CNBD1: variants seen among roughly 807,000 people sequenced by gnomAD.
CNBD1 encodes the protein cyclic nucleotide-binding domain-containing protein 1.
CNBD1 carries 71 observed loss-of-function variants against 54.4 expected under a neutral mutation model. The ratio of observed to expected loss-of-function variants is 1.30; its 90% CI spans 1.08 to 1.59. The LOEUF is 1.59. CNBD1 is among the 40% of genes most tolerant of loss of function. The pLI is 0.00. For missense variants in CNBD1, 659 were observed against 518.0 expected, an observed-to-expected ratio of 1.27 and a Z score of -2.64; for synonymous variants, 182 against 170.7, an observed-to-expected ratio of 1.07 and a Z score of -0.51.
intron 8 of CNBD1, among the ~76,000 whole-genome samples, chr8:87,340,146 C>T (rs1305060930): frequency 6.6e-6 from 1 of 152,084 alleles, no homozygotes; most frequent in Non-Finnish European, 1.5e-5. Context: ...GATAGTTTTG[C>T]TGCATCTAAT....
intron 4 of CNBD1, among the ~76,000 whole-genome samples, chr8:87,204,870 T>C (rs1446341429): frequency 6.6e-6 from 1 of 152,182 alleles, no homozygotes; most frequent in East Asian, 1.9e-4. Flanking sequence ...TTATTGCATC[T>C]GAAGAACAAA....
At chr8:87,283,049 T>TA (rs1808626334) in intron 6 of CNBD1, among the ~76,000 whole-genome samples, 1 of 152,104 alleles carries the variant, frequency 6.6e-6, no homozygotes, top group Non-Finnish European at 1.5e-5. Context: ...GAATTTCTGT[T>TA]AGATATATGC....
intron 4 of CNBD1, among the ~76,000 whole-genome samples, chr8:87,201,801 G>A (rs1400247930): frequency 2.0e-5 from 3 of 152,024 alleles, no homozygotes; most frequent in Admixed American, 6.6e-5. Flanking sequence ...TCATTCTGTC[G>A]CCCAGGCTGG....
At chr8:87,303,352 T>A (rs1226004856) in intron 8 of CNBD1, among the ~76,000 whole-genome samples, 4 of 151,942 alleles carry the variant, frequency 2.6e-5, no homozygotes, top group African/African-American at 9.7e-5. Context: ...AAACATCTGA[T>A]CTTTGACAAA....
intron 3 of CNBD1, among the ~76,000 whole-genome samples, chr8:86,923,917 T>TCAAG (rs1809317019): frequency 6.6e-6 from 1 of 152,098 alleles, no homozygotes; most frequent in African/African-American, 2.4e-5. Flanking sequence ...TGGGACTGTA[T>TCAAG]CAAGACCCTA....
rs145933257 is a variant in CNBD1, at chr8:86,944,469, G to A, written c.431+4715G>A. On this transcript the variant is annotated intron_variant, in intron 4 of 10. Coordinates refer to ENST00000518476, the MANE Select transcript of CNBD1 (RefSeq NM_173538.3). ...GAGAATGATGGAAATGATCAGAGAA[G>A]TCAGATTTTATGAAACAGGAGAAAG... Among the ~76,000 whole-genome samples, 552 of 152,286 alleles carry A rather than the reference G, an allele frequency of 3.6e-3. 6 individuals are homozygous for A. The highest frequency in any genetic ancestry group is 0.013 in the African/African-American group (524 of 41,562).
At chr8:87,081,571 C>A (rs539332512) in intron 4 of CNBD1, among the ~76,000 whole-genome samples, 1 of 149,796 alleles carries the variant, frequency 6.7e-6, no homozygotes, top group Non-Finnish European at 1.5e-5. Context: ...AGTGGCGCGA[C>A]CTCGGCTCAC....
intron 4 of CNBD1, among the ~76,000 whole-genome samples, chr8:87,121,246 A>G (rs989503089): frequency 5.9e-5 from 9 of 152,004 alleles, no homozygotes; most frequent in Admixed American, 5.9e-4. Flanking sequence ...CAGTCAAATC[A>G]TGAAATAAAT....
At chr8:87,108,435 A>G (rs2130701309) in intron 4 of CNBD1, among the ~76,000 whole-genome samples, 2 of 152,338 alleles carry the variant, frequency 1.3e-5, no homozygotes, top group Middle Eastern at 6.8e-3. Context: ...TGGAGCTTTT[A>G]AAGTATACAA....
At chr8:86,919,462 G>A (rs943645975) in intron 3 of CNBD1, among the ~76,000 whole-genome samples, 1 of 152,100 alleles carries the variant, frequency 6.6e-6, no homozygotes, top group South Asian at 2.1e-4. Flanking sequence ...ATTTGCAAAT[G>A]GTGTGATAAA....
At chr8:86,953,560 C>G (rs1408494934) in intron 4 of CNBD1, among the ~76,000 whole-genome samples, 1 of 152,076 alleles carries the variant, frequency 6.6e-6, no homozygotes, top group Non-Finnish European at 1.5e-5. Flanking sequence ...GATCAAACAC[C>G]ACCTTACTCC....
At chr8:87,221,502 C>T (rs1814338642) in intron 5 of CNBD1, among the ~76,000 whole-genome samples, 1 of 152,008 alleles carries the variant, frequency 6.6e-6, no homozygotes, top group African/African-American at 2.4e-5. Context: ...CCATATCTGT[C>T]AATCAAAATT....
chr8:87,041,969 C>T (rs901224005), intron 4 of CNBD1, among the ~76,000 whole-genome samples: 20 of 152,034 alleles, frequency 1.3e-4, no homozygotes, highest in African/African-American at 3.9e-4. Flanking sequence ...AGAGTGATGA[C>T]GAAGGTGACT....
At chr8:87,098,690 A>G (rs998833320) in intron 4 of CNBD1, among the ~76,000 whole-genome samples, 1 of 151,766 alleles carries the variant, frequency 6.6e-6, no homozygotes, top group African/African-American at 2.4e-5. Context: ...CTGTTCATCA[A>G]CAAATGTATT....
intron 4 of CNBD1, among the ~76,000 whole-genome samples, chr8:86,977,855 G>C (rs569577141): frequency 6.6e-6 from 1 of 152,178 alleles, no homozygotes; most frequent in African/African-American, 2.4e-5. Context: ...AAAAACTAAA[G>C]AGAAGTGAAT....
intron 8 of CNBD1, among the ~76,000 whole-genome samples, chr8:87,322,417 C>A (rs1305008152): frequency 8.3e-6 from 1 of 119,830 alleles, no homozygotes; most frequent in Non-Finnish European, 1.8e-5. Context: ...TACAGTCCCA[C>A]CAACAGTGTA....
At chr8:87,052,422 A>G (rs1242082581) in intron 4 of CNBD1, among the ~76,000 whole-genome samples, 1 of 152,208 alleles carries the variant, frequency 6.6e-6, no homozygotes, top group Non-Finnish European at 1.5e-5. Context: ...CTGGTTTTTG[A>G]TCTATCATAG....
intron 5 of CNBD1, among the ~76,000 whole-genome samples, chr8:87,226,253 T>G (rs994648753): frequency 8.6e-5 from 13 of 151,530 alleles, no homozygotes; most frequent in Admixed American, 3.3e-4. Context: ...AGTTCTGCTC[T>G]GATTTTAGTT....
chr8:87,406,069 A>G (rs953755769), intron 2 of CNBD1, among the ~76,000 whole-genome samples: 1 of 152,086 alleles, frequency 6.6e-6, no homozygotes, highest in Non-Finnish European at 1.5e-5. Flanking sequence ...AACCTAAAAC[A>G]TTACTTTGAT....
Sources: allele counts gnomAD v4.1 joint callset (sites outside exome capture counted in the v4.1 genomes callset), GRCh38; gene constraint gnomAD v4.1.1; transcripts MANE v1.5; gene names NCBI Gene and HGNC (gene_info 2026-07-23, HGNC 2026-07-21).